NALF1: variants seen among roughly 807,000 people sequenced by gnomAD.
NALF1 encodes NALCN channel auxiliary factor 1.
A neutral mutation model predicts 48.4 loss-of-function variants in NALF1; 3 were observed. That is an observed-to-expected ratio of 0.06 (90% CI 0.03 to 0.16). The LOEUF (loss-of-function observed/expected upper bound fraction) is 0.16, where lower values mean the gene tolerates loss of function less well. Ranked by LOEUF, NALF1 falls within the 10% of genes least tolerant of loss-of-function variation. The pLI is 1.00. For synonymous variants in NALF1, 262 were observed against 245.7 expected (o/e 1.07, Z -0.62); for missense variants, 526 against 571.5 (o/e 0.92, Z 0.81).
At chr13:107,656,757 C>T (rs1450203521) in intron 1 of NALF1, among the ~76,000 whole-genome samples, 1 of 152,034 alleles carries the variant, frequency 6.6e-6, no homozygotes, top group Admixed American at 6.6e-5. Flanking sequence ...TAGGACCAGC[C>T]CAAATGTCTA....
chr13:107,413,673 A>C (rs952005158), intron 1 of NALF1, among the ~76,000 whole-genome samples: 2 of 151,982 alleles, frequency 1.3e-5, no homozygotes, highest in Non-Finnish European at 2.9e-5. Flanking sequence ...CATTGATCAC[A>C]TACTGAGACT....
chr13:107,521,677 AGAG>A (rs1306215369), intron 1 of NALF1, among the ~76,000 whole-genome samples: 1 of 152,068 alleles, frequency 6.6e-6, no homozygotes, highest in Non-Finnish European at 1.5e-5. Context: ...ATGTGCTTCA[AGAG>A]GAGTTGCTCT....
At chr13:107,522,760 T>C (rs1462271406) in intron 1 of NALF1, among the ~76,000 whole-genome samples, 3 of 151,864 alleles carry the variant, frequency 2.0e-5, no homozygotes, top group Admixed American at 1.3e-4. Flanking sequence ...TGTGACACCA[T>C]GCTCGACTAA....
At chr13:107,801,995 A>ATATAT (rs138806044) in intron 1 of NALF1, among the ~76,000 whole-genome samples, 4,178 of 152,250 alleles carry the variant, frequency 0.027, 183 homozygotes, top group African/African-American at 0.095. Flanking sequence ...TTAGGTAAGA[A>ATATAT]TTTGGAAATT....
chr13:107,865,640 T>TAGGAAAGTGC (rs759202823), intron 1 of NALF1, 42 bp downstream of exon 1: 9 of 1,584,918 alleles, frequency 5.7e-6, no homozygotes, highest in Non-Finnish European at 6.0e-6. Context: ...CAAGCAGAGA[T>TAGGAAAGTGC]AGGAAAGTGC....
At chr13:107,216,347 T>C (rs1879873264) in intron 1 of NALF1, among the ~76,000 whole-genome samples, 1 of 152,224 alleles carries the variant, frequency 6.6e-6, no homozygotes, top group Non-Finnish European at 1.5e-5. Context: ...CTTTCTGCTA[T>C]GTCTGTGTCA....
chr13:107,184,904 G>T (rs1437045173), intron 2 of NALF1, among the ~76,000 whole-genome samples: 1 of 152,162 alleles, frequency 6.6e-6, no homozygotes, highest in Admixed American at 6.5e-5. Context: ...CTCAGAATGG[G>T]ACCTTATTTG....
chr13:107,465,263 T>C (rs1566353504), intron 1 of NALF1, among the ~76,000 whole-genome samples: 1 of 151,874 alleles, frequency 6.6e-6, no homozygotes, highest in Non-Finnish European at 1.5e-5. Flanking sequence ...CTTTTTGGTT[T>C]GTTAAATATT....
intron 1 of NALF1, among the ~76,000 whole-genome samples, chr13:107,357,510 T>C (rs893182374): frequency 1.5e-4 from 23 of 152,260 alleles, no homozygotes; most frequent in African/African-American, 5.3e-4. Flanking sequence ...GGAGATACGT[T>C]GTGTTAAAAA....
At chr13:107,615,697 A>G (rs1025855569) in intron 1 of NALF1, among the ~76,000 whole-genome samples, 1 of 152,174 alleles carries the variant, frequency 6.6e-6, no homozygotes, top group Non-Finnish European at 1.5e-5. Flanking sequence ...ACTGGTCCAT[A>G]CTAGTCATTT....
intron 1 of NALF1, among the ~76,000 whole-genome samples, chr13:107,591,785 A>G (rs769273446): frequency 2.0e-5 from 3 of 152,064 alleles, no homozygotes; most frequent in Non-Finnish European, 2.9e-5. Flanking sequence ...AATATTTGGT[A>G]AAATAATTTC....
chr13:107,176,591 G>A (rs146872769), intron 2 of NALF1, among the ~76,000 whole-genome samples: 3,952 of 151,726 alleles, frequency 0.026, 199 homozygotes, highest in African/African-American at 0.091. Flanking sequence ...GCAGTGAGCC[G>A]AGATGGCGCC....
At chr13:107,252,847 A>T (rs1348221368) in intron 1 of NALF1, among the ~76,000 whole-genome samples, 1 of 152,256 alleles carries the variant, frequency 6.6e-6, no homozygotes, top group Non-Finnish European at 1.5e-5. Context: ...TAAGCAGTTA[A>T]AAGCACAAAG....
intron 1 of NALF1, among the ~76,000 whole-genome samples, chr13:107,432,425 C>G (rs1566339973): frequency 6.6e-6 from 1 of 152,178 alleles, no homozygotes; most frequent in African/African-American, 2.4e-5. Context: ...TCAACCTTGG[C>G]TATATGCTAC....
chr13:107,501,110 A>C (rs1471652741), intron 1 of NALF1, among the ~76,000 whole-genome samples: 1 of 152,058 alleles, frequency 6.6e-6, no homozygotes, highest in East Asian at 1.9e-4. Context: ...AATAATAATA[A>C]AATTTAAAAA....
chr13:107,337,215 A>G (rs958865351), intron 1 of NALF1, among the ~76,000 whole-genome samples: 1 of 152,096 alleles, frequency 6.6e-6, no homozygotes, highest in African/African-American at 2.4e-5. Flanking sequence ...TCTGATATTG[A>G]TTTCCAGTGC....
intron 1 of NALF1, among the ~76,000 whole-genome samples, chr13:107,458,332 A>G (rs1247431483): frequency 6.6e-6 from 1 of 152,204 alleles, no homozygotes; most frequent in Non-Finnish European, 1.5e-5. Flanking sequence ...GGCAGAGATA[A>G]TGGGCCCCCA....
At chr13:107,391,109 C>T (rs1883619929) in intron 1 of NALF1, among the ~76,000 whole-genome samples, 1 of 152,044 alleles carries the variant, frequency 6.6e-6, no homozygotes, top group African/African-American at 2.4e-5. Flanking sequence ...GAAAGCAATC[C>T]TTTTTCTTCA....
intron 1 of NALF1, among the ~76,000 whole-genome samples, chr13:107,641,960 G>A (rs746167561): frequency 7.9e-5 from 12 of 152,062 alleles, no homozygotes; most frequent in African/African-American, 2.9e-4. Context: ...ATTTGGCATC[G>A]GTAGCTTCTA....
Sources: gnomAD v4.1 joint callset for allele counts (sites outside exome capture counted in the v4.1 genomes callset) on GRCh38, gnomAD v4.1.1 for gene constraint, MANE v1.5 for transcripts, NCBI Gene and HGNC (gene_info 2026-07-23, HGNC 2026-07-21) for gene names.